TENM2: variants seen among roughly 807,000 people sequenced by gnomAD.
TENM2 encodes teneurin transmembrane protein 2, also known as teneurin-2.
Under a neutral mutation model 245.2 loss-of-function variants are expected in TENM2, and 52 were observed. The ratio of observed to expected loss-of-function variants is 0.21; its 90% CI spans 0.17 to 0.27. TENM2 has a LOEUF of 0.27. Among genes scored for constraint, TENM2 ranks in the 10% least tolerant of loss-of-function variants. The pLI is 1.00. For synonymous variants in TENM2, 1,363 were observed against 1,438.9 expected (o/e 0.95, Z 1.19); for missense variants, 3,046 against 3,666.8 (o/e 0.83, Z 4.37).
chr5:167,057,120 G>A, the TENM2 span, among the ~76,000 whole-genome samples: 9 of 152,040 alleles, frequency 5.9e-5, no homozygotes, highest in African/African-American at 1.9e-4. Flanking sequence ...TCTACTAATG[G>A]GCCAGTTAAT....
chr5:167,584,248 G>C (rs1340011781), intron 2 of TENM2, among the ~76,000 whole-genome samples: 1 of 152,190 alleles, frequency 6.6e-6, no homozygotes, highest in Non-Finnish European at 1.5e-5. Flanking sequence ...GTGGGAGCAG[G>C]CTCAAGCAAG....
chr5:167,318,424 G>T (rs1158693253), intron 1 of TENM2, among the ~76,000 whole-genome samples: 2 of 150,200 alleles, frequency 1.3e-5, no homozygotes, highest in African/African-American at 2.5e-5. Context: ...AGATGAAGTT[G>T]TTCATTTTTT....
intron 27 of TENM2, among the ~76,000 whole-genome samples, chr5:168,256,427 CT>C (rs564590839): frequency 0.045 from 6,004 of 133,706 alleles, 139 homozygotes; most frequent in Middle Eastern, 0.08. Flanking sequence ...AACTTGTATT[CT>C]TTTTTTTTTT....
chr5:168,017,896 C>T (rs1173867969), intron 5 of TENM2, among the ~76,000 whole-genome samples: 1 of 152,184 alleles, frequency 6.6e-6, no homozygotes, highest in Admixed American at 6.5e-5. Flanking sequence ...CCCCCTTCTC[C>T]CGTCACTTTC....
At chr5:167,551,219 T>G (rs2127621616) in intron 2 of TENM2, among the ~76,000 whole-genome samples, 1 of 152,306 alleles carries the variant, frequency 6.6e-6, no homozygotes, top group South Asian at 2.1e-4. Flanking sequence ...GTAAAGTGCT[T>G]ATTACGTCAG....
chr5:167,072,058 T>G, the TENM2 span, among the ~76,000 whole-genome samples: 1 of 151,964 alleles, frequency 6.6e-6, no homozygotes, highest in Non-Finnish European at 1.5e-5. Flanking sequence ...TCTAGGAATA[T>G]AGCATGCAGC....
intron 12 of TENM2, among the ~76,000 whole-genome samples, chr5:168,135,906 A>C (rs1365634418): frequency 2.6e-5 from 4 of 152,108 alleles, no homozygotes. Context: ...GGGTTTTATT[A>C]TTAAGGTCCT....
chr5:168,105,014 G>A (rs1279943037), intron 9 of TENM2, among the ~76,000 whole-genome samples: 2 of 152,114 alleles, frequency 1.3e-5, no homozygotes, highest in Non-Finnish European at 2.9e-5. Context: ...AAGCAAGGGG[G>A]TAACATAAAT....
At chr5:167,769,180 A>G (rs1438170089) in intron 2 of TENM2, among the ~76,000 whole-genome samples, 1 of 152,220 alleles carries the variant, frequency 6.6e-6, no homozygotes, top group Non-Finnish European at 1.5e-5. Flanking sequence ...TTGAAGGCAA[A>G]TGATAGTGAT....
chr5:168,012,737 A>C (rs1253264342), intron 5 of TENM2, among the ~76,000 whole-genome samples: 2 of 133,750 alleles, frequency 1.5e-5, no homozygotes. Context: ...TGTTTCAGTT[A>C]GGGATACCTT....
At chr5:168,237,865 G>A (rs147512625) in intron 25 of TENM2, among the ~76,000 whole-genome samples, 2,476 of 151,798 alleles carry the variant, frequency 0.016, 44 homozygotes, top group Non-Finnish European at 0.024. Context: ...ATCCCAGGCC[G>A]GGCGCGGTGG....
chr5:167,707,533 G>A (rs918701370), intron 2 of TENM2, among the ~76,000 whole-genome samples: 6 of 152,132 alleles, frequency 3.9e-5, no homozygotes, highest in African/African-American at 1.4e-4. Flanking sequence ...TTTCATGGGT[G>A]TATACTCATC....
chr5:167,470,399 A>C (rs144435062), intron 2 of TENM2, among the ~76,000 whole-genome samples: 112 of 148,856 alleles, frequency 7.5e-4, no homozygotes, highest in Admixed American at 1.6e-3. Context: ...AGAACCTTTG[A>C]AATTGTAACA....
intron 1 of TENM2, among the ~76,000 whole-genome samples, chr5:167,354,938 C>G (rs183598763): frequency 9.8e-5 from 15 of 152,302 alleles, no homozygotes; most frequent in Non-Finnish European, 1.8e-4. Context: ...CCATTGAGTA[C>G]AGGCTCTCTA....
At chr5:167,960,255 G>T (rs1316022084) in intron 4 of TENM2, among the ~76,000 whole-genome samples, 1 of 152,182 alleles carries the variant, frequency 6.6e-6, no homozygotes, top group Non-Finnish European at 1.5e-5. Context: ...TTCAGAGCCG[G>T]CAGGGTGGGA....
At chr5:167,484,143 G>A (rs578063265) in intron 2 of TENM2, among the ~76,000 whole-genome samples, 1 of 152,192 alleles carries the variant, frequency 6.6e-6, no homozygotes, top group South Asian at 2.1e-4. Context: ...TCAAGAGTTC[G>A]AGACCAGCCT....
chr5:167,718,286 G>T (rs1282165738), intron 2 of TENM2, among the ~76,000 whole-genome samples: 2 of 152,168 alleles, frequency 1.3e-5, no homozygotes, highest in Non-Finnish European at 2.9e-5. Context: ...CTCACCTGAA[G>T]CTGTGTGGTG....
intron 3 of TENM2, among the ~76,000 whole-genome samples, chr5:167,930,886 C>T (rs1394571561): frequency 6.6e-6 from 1 of 151,988 alleles, no homozygotes. Context: ...TAGAAAATGC[C>T]CAATTTCAAA....
At chr5:166,988,908 T>C in the TENM2 span, among the ~76,000 whole-genome samples, 1 of 152,212 alleles carries the variant, frequency 6.6e-6, no homozygotes, top group Non-Finnish European at 1.5e-5. Context: ...GCTTTGATAT[T>C]GATTGAGTGT....
Sources: allele counts gnomAD v4.1 joint callset (sites outside exome capture counted in the v4.1 genomes callset), GRCh38; gene constraint gnomAD v4.1.1; transcripts MANE v1.5; gene names NCBI Gene and HGNC (gene_info 2026-07-23, HGNC 2026-07-21).